The following NPHP4 variants were observed in gnomAD, a reference collection of about 807,000 sequenced individuals.
The protein encoded by NPHP4 is nephrocystin 4.
Under a neutral mutation model 155.8 loss-of-function variants are expected in NPHP4, and 151 were observed. The observed-to-expected ratio is 0.97, with a 90% CI of 0.85 to 1.11. NPHP4 has a LOEUF of 1.11. Among genes scored for constraint, NPHP4 ranks in the 50% least tolerant of loss-of-function variants. The pLI is 0.00. For missense variants in NPHP4, 1,956 were observed against 1,925.7 expected (o/e 1.02, Z -0.29); for synonymous variants, 845 against 816.8 (o/e 1.03, Z -0.59).
rs1429629917 is a variant in NPHP4 at position 5,905,864 on chromosome 1, T to A, written c.1612-81A>T. 4 of 1,362,832 alleles carry A rather than the reference T, an allele frequency of 2.9e-6. No individual in the cohort carries two copies. The highest frequency in any genetic ancestry group is 4.0e-6 in the Non-Finnish European group (4 of 997,660). 84.4% of individuals were successfully genotyped at this position (1,362,832 alleles called of 1,614,324 possible). A position where few individuals can be genotyped will look rare whatever the true frequency, so the allele number is the denominator to read the frequency against. Reference sequence around the variant, plus strand: ...CCAACGGTGCTCAGATCTAAGGGGATTCATCGATTAATTGCCTCTGGAGGG... The same window carrying A: ...CCAACGGTGCTCAGATCTAAGGGGAATCATCGATTAATTGCCTCTGGAGGG... On this transcript the variant is annotated intron_variant, in intron 13 of 29. Transcript: ENST00000378156. This position sits in a 1 kb window ranked among gnomAD's most constrained non-coding sequence, Gnocchi z 4.0.
At chr1:5,891,665 G>A (rs1054206587) in intron 16 of NPHP4, among the ~76,000 whole-genome samples, 17 of 152,206 alleles carry the variant, frequency 1.1e-4, no homozygotes, top group African/African-American at 2.2e-4. Flanking sequence ...GTTAAAATTC[G>A]AGGAACAGCA....
intron 7 of NPHP4, among the ~76,000 whole-genome samples, chr1:5,951,335 G>A (rs1033440554): frequency 6.6e-5 from 10 of 152,258 alleles, no homozygotes; most frequent in Non-Finnish European, 1.3e-4. Context: ...GCAACAGCAA[G>A]ATGTTACCCA....
In NPHP4 at chr1:5,980,440, G is replaced by A. The variant is rs1057368586; in HGVS notation, c.136-2027C>T. Among the ~76,000 whole-genome samples the A allele has an allele frequency of 3.9e-5, 6 of 152,244 alleles. No homozygotes were observed. The East Asian group carries it at 5.8e-4, about 15-fold the overall frequency. ...GCAAGAGCGTTCAGGCAGGCCTCAC[G>A]GCGCGAGGAGAAGCTGGGTTCTCAC... On this transcript the variant is annotated intron_variant, in intron 2 of 29. Transcript: ENST00000378156.
chr1:5,972,692 AATC>A (rs1409784790), intron 3 of NPHP4, among the ~76,000 whole-genome samples: 2 of 152,186 alleles, frequency 1.3e-5, no homozygotes, highest in Non-Finnish European at 2.9e-5. Context: ...TGAGCAAATG[AATC>A]AAGTCAGGAG....
intron 18 of NPHP4, chr1:5,886,927 C>T (rs1643858806): frequency 4.5e-6 from 1 of 220,092 alleles, no homozygotes; most frequent in Non-Finnish European, 8.9e-6. Flanking sequence ...AAGTTAGGAA[C>T]ACTTCCCTTG....
chr1:5,871,155 T>C (rs1570107178), intron 23 of NPHP4, among the ~76,000 whole-genome samples: 1 of 152,096 alleles, frequency 6.6e-6, no homozygotes. Context: ...ATGGCAAAGG[T>C]TAGTGACCGG....
At chr1:5,942,219 G>GA (rs1646853529) in intron 9 of NPHP4, among the ~76,000 whole-genome samples, 8 of 152,008 alleles carry the variant, frequency 5.3e-5, no homozygotes, top group Admixed American at 3.3e-4. Context: ...AGCAACATAC[G>GA]CATTAAAAAT....
intron 16 of NPHP4, among the ~76,000 whole-genome samples, chr1:5,897,382 A>T (rs1312138150): frequency 6.6e-6 from 1 of 152,206 alleles, no homozygotes; most frequent in Non-Finnish European, 1.5e-5. Flanking sequence ...TGGGCACCTT[A>T]ACCAAGCAAC....
intron 23 of NPHP4, among the ~76,000 whole-genome samples, chr1:5,868,539 C>G (rs190702921): frequency 6.6e-6 from 1 of 151,854 alleles, no homozygotes; most frequent in Middle Eastern, 3.4e-3. Flanking sequence ...CCCACACACA[C>G]GCATGCACTC....
chr1:5,978,254 C>A lies in NPHP4; in HGVS notation c.279+16G>T. ...TCCGCCTTGGAGCAGCCCCTGCCAC[C>A]ATCACCAGGGCCCACCTCATTAAAG... On this transcript the variant is annotated intron_variant, in intron 3 of 29. Coordinates refer to ENST00000378156, the MANE Select transcript of NPHP4 (RefSeq NM_015102.5). The A allele has an allele frequency of 6.3e-7, 1 of 1,599,132 alleles. No individual in the cohort carries two copies. The highest frequency in any genetic ancestry group is 1.7e-5 in the Admixed American group (1 of 58,158).
intron 11 of NPHP4, among the ~76,000 whole-genome samples, chr1:5,911,851 G>C (rs1462814325): frequency 6.6e-6 from 1 of 152,182 alleles, no homozygotes; most frequent in African/African-American, 2.4e-5. Context: ...TATACTCATA[G>C]TCCTGCCCAG....
At chr1:5,907,963 A>G (rs1398654709) in intron 12 of NPHP4, among the ~76,000 whole-genome samples, 1 of 152,238 alleles carries the variant, frequency 6.6e-6, no homozygotes, top group Non-Finnish European at 1.5e-5. Context: ...GGGCCCACGC[A>G]CTACTGAAGA....
chr1:5,957,856 T>C (rs1268581685), intron 6 of NPHP4, among the ~76,000 whole-genome samples: 2 of 152,032 alleles, frequency 1.3e-5, no homozygotes, highest in Non-Finnish European at 2.9e-5. Flanking sequence ...CCAGGTTTAT[T>C]CTAAAACACC....
chr1:5,916,689 A>T (rs546303346), intron 11 of NPHP4, among the ~76,000 whole-genome samples: 1 of 152,224 alleles, frequency 6.6e-6, no homozygotes, highest in Non-Finnish European at 1.5e-5. Flanking sequence ...AACTCAAAGC[A>T]TGGTTCCCCA....
At chr1:5,880,709 A>C (rs574003338) in intron 18 of NPHP4, 1 of 178,796 alleles carries the variant, frequency 5.6e-6, no homozygotes, top group South Asian at 1.3e-4. Context: ...AGTTGTGTTC[A>C]TAACAGAAGG....
chr1:5,923,400 T>C (rs1570456374), intron 11 of NPHP4, among the ~76,000 whole-genome samples: 1 of 152,218 alleles, frequency 6.6e-6, no homozygotes, highest in South Asian at 2.1e-4. Flanking sequence ...AGGCCTACCC[T>C]GACCCCAGCT....
chr1:5,894,877 C>T (rs770539841), intron 16 of NPHP4, among the ~76,000 whole-genome samples: 8 of 152,110 alleles, frequency 5.3e-5, no homozygotes, highest in Admixed American at 1.3e-4. Context: ...TGTCTTGGAC[C>T]GTCATCTCCT....
intron 6 of NPHP4, among the ~76,000 whole-genome samples, chr1:5,953,966 AAAAAG>A (rs1648697525): frequency 6.6e-6 from 1 of 152,230 alleles, no homozygotes; most frequent in Non-Finnish European, 1.5e-5. Flanking sequence ...AAAGTTGAAA[AAAAAG>A]AAAACACTGA....
intron 25 of NPHP4, among the ~76,000 whole-genome samples, chr1:5,866,724 C>A (rs1641270755): frequency 6.6e-6 from 1 of 152,162 alleles, no homozygotes; most frequent in African/African-American, 2.4e-5. Context: ...ACAATTATTG[C>A]CTTATCCTTT....
Sources: gnomAD v4.1 joint callset for allele counts (sites outside exome capture counted in the v4.1 genomes callset) on GRCh38, gnomAD v4.1.1 for gene constraint, Gnocchi (gnomAD v3.1) non-coding constraint, MANE v1.5 for transcripts, NCBI Gene and HGNC (gene_info 2026-07-23, HGNC 2026-07-21) for gene names.